Variants in DLG5 observed in about 807,000 individuals in gnomAD.
The protein encoded by DLG5 is discs large MAGUK scaffold protein 5, also known as disks large homolog 5.
Under a neutral mutation model 189.8 loss-of-function variants are expected in DLG5, and 48 were observed. That is an observed-to-expected ratio of 0.25 (90% CI 0.20 to 0.32). The LOEUF (loss-of-function observed/expected upper bound fraction) is 0.32. Ranked by LOEUF, DLG5 falls within the 10% of genes least tolerant of loss-of-function variation. DLG5 has a pLI of 1.00. For missense variants in DLG5, 2,160 were observed against 2,544.7 expected, an observed-to-expected ratio of 0.85 and a Z score of 3.25; for synonymous variants, 1,016 against 1,054.1, an observed-to-expected ratio of 0.96 and a Z score of 0.70.
intron 20 of DLG5, among the ~76,000 whole-genome samples, chr10:77,815,431 G>A (rs1039405414): frequency 1.3e-5 from 2 of 152,166 alleles, no homozygotes; most frequent in African/African-American, 4.8e-5. Context: ...AGGCCGAGGC[G>A]GGTGGATCAC....
intron 18 of DLG5, among the ~76,000 whole-genome samples, chr10:77,817,450 A>G (rs1842115660): frequency 6.6e-6 from 1 of 152,186 alleles, no homozygotes; most frequent in South Asian, 2.1e-4. Context: ...CACTTTCCAT[A>G]CAAAAATGTA....
intron 20 of DLG5, among the ~76,000 whole-genome samples, chr10:77,814,136 C>T (rs988165958): frequency 6.6e-6 from 1 of 151,986 alleles, no homozygotes; most frequent in African/African-American, 2.4e-5. Context: ...CACCATCACG[C>T]CCAGCTAATT....
At chr10:77,869,481 G>C in intron 1 of DLG5, 1 of 437,956 alleles carries the variant, frequency 2.3e-6, no homozygotes. Flanking sequence ...TCTGGGGAAA[G>C]GCTTAGCAAG....
intron 13 of DLG5, among the ~76,000 whole-genome samples, chr10:77,827,116 A>G (rs1174182406): frequency 6.6e-6 from 1 of 152,202 alleles, no homozygotes; most frequent in Non-Finnish European, 1.5e-5. Context: ...CGGGGTGGGA[A>G]GCAGTACACA....
At chr10:77,815,869 G>C (rs1842025044) in intron 20 of DLG5, among the ~76,000 whole-genome samples, 1 of 152,176 alleles carries the variant, frequency 6.6e-6, no homozygotes, top group South Asian at 2.1e-4. Flanking sequence ...CCATCTAGGG[G>C]AACAACAGAG....
At chr10:77,793,832 C>A (rs1840765303) in intron 31 of DLG5, 176 bp downstream of exon 31, 2 of 617,574 alleles carry the variant, frequency 3.2e-6, no homozygotes, top group Non-Finnish European at 5.8e-6. Context: ...CTGTAAGAAT[C>A]CTGACGTTGG....
intron 2 of DLG5, among the ~76,000 whole-genome samples, chr10:77,860,027 T>C (rs1391153271): frequency 6.6e-6 from 1 of 152,222 alleles, no homozygotes; most frequent in Non-Finnish European, 1.5e-5. Flanking sequence ...CCTTTGAACG[T>C]GCCTGCTACT....
At chr10:77,880,770 G>C (rs1845254245) in intron 1 of DLG5, among the ~76,000 whole-genome samples, 1 of 152,088 alleles carries the variant, frequency 6.6e-6, no homozygotes, top group Non-Finnish European at 1.5e-5. Flanking sequence ...AGTACTTGTT[G>C]CAAGAAAGGC....
chr10:77,842,693 C>T (rs1235129231), intron 6 of DLG5, among the ~76,000 whole-genome samples: 2 of 152,210 alleles, frequency 1.3e-5, no homozygotes, highest in East Asian at 3.9e-4. Flanking sequence ...TGGCTCCAGA[C>T]CAGCAATTCT....
At chr10:77,816,904 G>T in intron 19 of DLG5, 103 bp downstream of exon 19, 1 of 1,432,606 alleles carries the variant, frequency 7.0e-7, no homozygotes. Context: ...TTTACTGACT[G>T]ACTGAGATGA....
intron 5 of DLG5, among the ~76,000 whole-genome samples, chr10:77,844,354 C>T (rs933479925): frequency 2.0e-5 from 3 of 152,214 alleles, no homozygotes; most frequent in Non-Finnish European, 4.4e-5. Flanking sequence ...CTGGACTTTG[C>T]CTCACGCGCC....
chr10:77,849,435 T>C (rs913070292), intron 5 of DLG5, among the ~76,000 whole-genome samples: 2 of 152,224 alleles, frequency 1.3e-5, no homozygotes, highest in Non-Finnish European at 2.9e-5. Context: ...ACTCCACGCC[T>C]GATGAAGGCA....
At chr10:77,856,074 G>C (rs550854225) in intron 3 of DLG5, among the ~76,000 whole-genome samples, 1 of 152,268 alleles carries the variant, frequency 6.6e-6, no homozygotes, top group African/African-American at 2.4e-5. Flanking sequence ...GCCAGACACT[G>C]TGGCTCACGC....
intron 15 of DLG5, chr10:77,820,717 G>C (rs912304015): frequency 3.8e-6 from 1 of 260,062 alleles, no homozygotes; most frequent in Non-Finnish European, 7.3e-6. Flanking sequence ...GACAGCACAC[G>C]CAATCAGGCC....
upstream of DLG5, chr10:77,929,641 T>G (rs1846768169): frequency 6.6e-6 from 1 of 152,176 alleles, no homozygotes; most frequent in Admixed American, 6.5e-5. Flanking sequence ...TGAAGATGGA[T>G]CAGAGACAGA....
At chr10:77,936,105 AGTTC>A in the DLG5 span, among the ~76,000 whole-genome samples, 1 of 152,156 alleles carries the variant, frequency 6.6e-6, no homozygotes, top group East Asian at 1.9e-4. Flanking sequence ...TTTTGTTGTT[AGTTC>A]AGGAATGGCC....
At chr10:77,846,282 C>T (rs1843688838) in intron 5 of DLG5, among the ~76,000 whole-genome samples, 1 of 152,224 alleles carries the variant, frequency 6.6e-6, no homozygotes, top group Admixed American at 6.5e-5. Context: ...CATGACTATA[C>T]TGGGTCAGTG....
intron 24 of DLG5, 61 bp from the exon 25 acceptor site, chr10:77,808,005 G>A (rs1431111196): frequency 2.6e-5 from 42 of 1,599,394 alleles, no homozygotes; most frequent in Admixed American, 6.8e-5. Flanking sequence ...TTGGGCACCC[G>A]AGAGGGGCCA....
intron 27 of DLG5, 51 bp downstream of exon 27, chr10:77,805,614 A>G (rs1841428625): frequency 3.2e-6 from 5 of 1,544,342 alleles, no homozygotes; most frequent in Non-Finnish European, 4.4e-6. Flanking sequence ...TCCTGGATCC[A>G]CAGCAAGCCC....
Sources: gnomAD v4.1 joint callset for allele counts (sites outside exome capture counted in the v4.1 genomes callset) on GRCh38, gnomAD v4.1.1 for gene constraint, MANE v1.5 for transcripts, NCBI Gene and HGNC (gene_info 2026-07-23, HGNC 2026-07-21) for gene names.